Variants in DACH2 observed in about 807,000 individuals in gnomAD.
DACH2 encodes the protein dachshund family transcription factor 2.
In DACH2, 17 loss-of-function variants were observed where a neutral mutation model predicts 35.8. That is an observed-to-expected ratio of 0.48 (90% CI 0.33 to 0.71). The LOEUF is 0.71. DACH2 is among the 30% of genes least tolerant of loss of function. The pLI, the probability that DACH2 is intolerant of heterozygous loss-of-function variation, is 0.02. For missense variants in DACH2, 469 were observed against 472.7 expected (o/e 0.99, Z 0.07); for synonymous variants, 195 against 177.3 (o/e 1.10, Z -0.79).
At chrX:86,639,876 C>G (rs1292968467) in intron 3 of DACH2, among the ~76,000 whole-genome samples, 1 of 111,386 alleles carries the variant, frequency 9.0e-6, no homozygotes, top group Non-Finnish European at 1.9e-5. Flanking sequence ...GGTGCCTGAT[C>G]CTATTTATCC....
intron 1 of DACH2, among the ~76,000 whole-genome samples, chrX:86,360,918 C>T (rs2035729462): frequency 9.0e-6 from 1 of 110,702 alleles, no homozygotes; most frequent in South Asian, 3.7e-4. Flanking sequence ...TGTTGCTGAG[C>T]ATATTTTGAG....
At chrX:86,255,429 A>G (rs1412133888) in intron 1 of DACH2, among the ~76,000 whole-genome samples, 1 of 111,910 alleles carries the variant, frequency 8.9e-6, no homozygotes, top group East Asian at 2.8e-4. Flanking sequence ...AATGAAAGAT[A>G]TATTGAGCTG....
chrX:86,653,469 C>T (rs146744037), intron 4 of DACH2, among the ~76,000 whole-genome samples: 3,856 of 110,489 alleles, frequency 0.035, 183 homozygotes, highest in African/African-American at 0.12. Flanking sequence ...CATGAACCTC[C>T]CTGGGGGCTC....
chrX:86,798,978 A>G (rs2042265601), intron 7 of DACH2: 1 of 226,941 alleles, frequency 4.4e-6, no homozygotes, highest in East Asian at 1.5e-4. Flanking sequence ...AGAAATCTCT[A>G]TGTCAGAATT....
chrX:86,247,417 A>AAT (rs1275052400), intron 1 of DACH2, among the ~76,000 whole-genome samples: 3 of 111,631 alleles, frequency 2.7e-5, no homozygotes, highest in Non-Finnish European at 3.8e-5. Flanking sequence ...AAATAAAAAT[A>AAT]ATCAGAAATG....
chrX:86,299,711 G>A (rs1265673433), intron 1 of DACH2, among the ~76,000 whole-genome samples: 1 of 111,134 alleles, frequency 9.0e-6, no homozygotes, highest in Non-Finnish European at 1.9e-5. Context: ...TTCAAATGAA[G>A]AAGCAAAAAT....
At chrX:86,651,619 A>G (rs2040479310) in intron 4 of DACH2, among the ~76,000 whole-genome samples, 2 of 112,058 alleles carry the variant, frequency 1.8e-5, no homozygotes, top group Admixed American at 1.9e-4. Context: ...GGCATTATCA[A>G]CAGGGACTAA....
rs1184942248 is a variant in DACH2 at position 86,667,483 on chromosome X, G to GA, written c.772+16318dup. On this transcript the variant is annotated intron_variant, in intron 4 of 11. Coordinates refer to ENST00000373125, the MANE Select transcript of DACH2 (RefSeq NM_053281.3). ...AGAATGAATGAAAGAAAGAAAGAAG[G>GA]AAGGAAAGAAAGAAAGAGAAAGAAA... is the stretch of plus-strand genomic sequence containing the variant. 3.2e-5 allele frequency among the ~76,000 whole-genome samples: 3 copies of GA among 94,812 alleles called. No homozygotes were observed. The East Asian group carries it at 1.1e-3, about 34-fold the overall frequency. 82.3% of individuals were successfully genotyped at this position (94,812 alleles called of 115,157 possible).
intron 1 of DACH2, among the ~76,000 whole-genome samples, chrX:86,339,055 G>A (rs751286305): frequency 6.3e-5 from 7 of 111,807 alleles, no homozygotes; most frequent in Non-Finnish European, 1.1e-4. Context: ...AACAAGTACT[G>A]AAATTGAGGC....
intron 3 of DACH2, among the ~76,000 whole-genome samples, chrX:86,559,934 A>G (rs1415995624): frequency 1.5e-5 from 1 of 64,818 alleles, no homozygotes; most frequent in Non-Finnish European, 2.7e-5. Flanking sequence ...AATTTAGTCC[A>G]TTTATATTTA....
chrX:86,616,820 T>C (rs1286753931), intron 3 of DACH2, among the ~76,000 whole-genome samples: 1 of 112,355 alleles, frequency 8.9e-6, no homozygotes, highest in African/African-American at 3.2e-5. Context: ...TTGGTGTCTT[T>C]GTCATGTAAT....
chrX:86,713,680 G>A (rs936948525), intron 5 of DACH2, among the ~76,000 whole-genome samples: 1 of 111,566 alleles, frequency 9.0e-6, no homozygotes, highest in Non-Finnish European at 1.9e-5. Flanking sequence ...CATCCATGAA[G>A]CTAGACTAAA....
At chrX:86,182,136 G>A (rs1277985090) in intron 1 of DACH2, among the ~76,000 whole-genome samples, 2 of 111,583 alleles carry the variant, frequency 1.8e-5, no homozygotes, top group Non-Finnish European at 3.8e-5. Context: ...TCTGTAGGTT[G>A]CCTGTTCACT....
intron 4 of DACH2, among the ~76,000 whole-genome samples, chrX:86,680,652 C>CTT (rs1195400316): frequency 0.035 from 2,883 of 82,269 alleles, 176 homozygotes; most frequent in African/African-American, 0.12. Context: ...TGACTCATTT[C>CTT]TTTTTTTTTT....
intron 2 of DACH2, among the ~76,000 whole-genome samples, chrX:86,454,563 G>A (rs979797665): frequency 3.6e-5 from 4 of 111,795 alleles, no homozygotes; most frequent in South Asian, 7.5e-4. Flanking sequence ...CATCTCTTTT[G>A]CTATTGGTAC....
At chrX:86,162,318 A>G (rs1319260273) in intron 1 of DACH2, among the ~76,000 whole-genome samples, 2 of 111,134 alleles carry the variant, frequency 1.8e-5, no homozygotes, top group Non-Finnish European at 3.8e-5. Context: ...AATTTGGGTC[A>G]TGTTAGCATT....
intron 4 of DACH2, among the ~76,000 whole-genome samples, chrX:86,694,682 G>A (rs952727745): frequency 1.3e-4 from 14 of 111,867 alleles, no homozygotes; most frequent in Non-Finnish European, 2.3e-4. Flanking sequence ...TATAGTATAT[G>A]TATGTTAAAG....
At chrX:86,507,522 C>A (rs1477017708) in intron 2 of DACH2, among the ~76,000 whole-genome samples, 3 of 109,307 alleles carry the variant, frequency 2.7e-5, no homozygotes, top group Non-Finnish European at 3.8e-5. Flanking sequence ...CAGAAGCCTT[C>A]CCAAGGCAGT....
At chrX:86,546,316 C>A (rs536941774) in intron 3 of DACH2, among the ~76,000 whole-genome samples, 4 of 88,336 alleles carry the variant, frequency 4.5e-5, no homozygotes, top group African/African-American at 1.6e-4. Flanking sequence ...ATACCTCCTA[C>A]CTCTTTCTTC....
Sources: allele counts gnomAD v4.1 joint callset (sites outside exome capture counted in the v4.1 genomes callset), GRCh38; gene constraint gnomAD v4.1.1; transcripts MANE v1.5; gene names NCBI Gene and HGNC (gene_info 2026-07-23, HGNC 2026-07-21).